TBC1D5: variants seen among roughly 807,000 people sequenced by gnomAD.
TBC1D5 encodes TBC1 domain family member 5.
In TBC1D5, 75 loss-of-function variants were observed where a neutral mutation model predicts 100.3. The observed-to-expected ratio is 0.75, with a 90% CI of 0.62 to 0.91. The LOEUF (loss-of-function observed/expected upper bound fraction) is 0.91, where lower values mean the gene tolerates loss of function less well. Among genes scored for constraint, TBC1D5 ranks in the 40% least tolerant of loss-of-function variants. The pLI is 0.00. For missense variants in TBC1D5, 910 were observed against 942.4 expected (o/e 0.97, Z 0.45); for synonymous variants, 323 against 325.6 (o/e 0.99, Z 0.09).
At chr3:17,490,647 T>G (rs1164731202) in intron 3 of TBC1D5, among the ~76,000 whole-genome samples, 1 of 152,116 alleles carries the variant, frequency 6.6e-6, no homozygotes, top group Non-Finnish European at 1.5e-5. Flanking sequence ...TATATCTGAG[T>G]TCTCTATTCT....
chr3:17,576,177 G>A (rs866625070), intron 2 of TBC1D5, among the ~76,000 whole-genome samples: 1 of 151,978 alleles, frequency 6.6e-6, no homozygotes, highest in Non-Finnish European at 1.5e-5. Context: ...ACACGTACAC[G>A]TGTTTAAGAT....
At chr3:17,612,125 C>T (rs764834771) in intron 2 of TBC1D5, among the ~76,000 whole-genome samples, 2 of 151,772 alleles carry the variant, frequency 1.3e-5, no homozygotes, top group South Asian at 2.1e-4. Context: ...CATGGTGAAA[C>T]GCCTTATCTA....
At chr3:17,609,009 T>C (rs962600670) in intron 2 of TBC1D5, among the ~76,000 whole-genome samples, 1 of 152,188 alleles carries the variant, frequency 6.6e-6, no homozygotes, top group Non-Finnish European at 1.5e-5. Context: ...CTATTTTGCT[T>C]CCTAGATCTC....
chr3:17,691,510 A>T (rs946120291), intron 1 of TBC1D5, among the ~76,000 whole-genome samples: 5 of 152,136 alleles, frequency 3.3e-5, no homozygotes, highest in African/African-American at 1.2e-4. Context: ...AGCACAGGCA[A>T]ATGCTCCACG....
At chr3:17,489,416 T>C (rs2095610709) in intron 3 of TBC1D5, among the ~76,000 whole-genome samples, 2 of 152,126 alleles carry the variant, frequency 1.3e-5, no homozygotes, top group African/African-American at 4.8e-5. Context: ...AAAAACTAAA[T>C]ACACTCCTAT....
At chr3:17,374,415 A>T (rs1253762280) in intron 12 of TBC1D5, 56 bp downstream of exon 12, 3 of 1,504,538 alleles carry the variant, frequency 2.0e-6, no homozygotes, top group Non-Finnish European at 2.7e-6. Flanking sequence ...GTTGTTATTT[A>T]TTGAAAGCAT....
At chr3:17,678,408 A>C (rs1178568268) in intron 1 of TBC1D5, among the ~76,000 whole-genome samples, 1 of 152,166 alleles carries the variant, frequency 6.6e-6, no homozygotes, top group Non-Finnish European at 1.5e-5. Context: ...CTACTAAAAT[A>C]GCAGTTAATA....
rs185060710 is a variant in TBC1D5 at position 17,424,926 on chromosome 3, G to C, written c.167+3524C>G. Among the ~76,000 whole-genome samples the C allele has an allele frequency of 1.0e-3, 155 of 152,172 alleles. 2 individuals are homozygous for C. In the South Asian group the frequency reaches 0.018, roughly 18 times the overall value. On this transcript the variant is annotated intron_variant, in intron 4 of 21. Transcript: ENST00000253692. ...AAAACATCTTCCTTTCATCTACTAG[G>C]TTTTCAAATTTGTTATTCCAAGGTA...
At chr3:17,418,534 G>A (rs1469829904) in intron 4 of TBC1D5, among the ~76,000 whole-genome samples, 1 of 151,916 alleles carries the variant, frequency 6.6e-6, no homozygotes, top group African/African-American at 2.4e-5. Context: ...CTTGAACCCA[G>A]GAAGTGAAGG....
At chr3:17,287,582 G>A (rs1437751279) in intron 15 of TBC1D5, among the ~76,000 whole-genome samples, 1 of 152,210 alleles carries the variant, frequency 6.6e-6, no homozygotes, top group Admixed American at 6.5e-5. Context: ...ACTGAAAAAA[G>A]TGAGGAAAGA....
At chr3:17,726,160 A>G (rs907351789) in intron 1 of TBC1D5, among the ~76,000 whole-genome samples, 1 of 152,224 alleles carries the variant, frequency 6.6e-6, no homozygotes, top group Admixed American at 6.5e-5. Context: ...CGTCGCGAAC[A>G]GTGCTGCAAT....
At chr3:17,661,746 C>T (rs1048023652) in intron 1 of TBC1D5, among the ~76,000 whole-genome samples, 6 of 152,154 alleles carry the variant, frequency 3.9e-5, no homozygotes, top group African/African-American at 1.4e-4. Flanking sequence ...AATCTGCCCA[C>T]CTCAGCCTCC....
At chr3:17,167,880 C>G in intron 19 of TBC1D5, 52 bp from the exon 21 acceptor site, 1 of 1,284,122 alleles carries the variant, frequency 7.8e-7, no homozygotes, top group South Asian at 1.4e-5. Context: ...CATAACCTAC[C>G]TGCTGCCACA....
chr3:17,208,289 G>A (rs2072503193), intron 18 of TBC1D5, among the ~76,000 whole-genome samples: 1 of 152,242 alleles, frequency 6.6e-6, no homozygotes, highest in South Asian at 2.1e-4. Flanking sequence ...CATACTTCAT[G>A]TCTATCATGA....
intron 1 of TBC1D5, among the ~76,000 whole-genome samples, chr3:17,715,547 G>A (rs1182345025): frequency 1.3e-5 from 2 of 152,164 alleles, no homozygotes; most frequent in African/African-American, 4.8e-5. Flanking sequence ...GCTCACACCT[G>A]TCAAATGCCA....
At position 17,701,616 on chromosome 3, in the gene TBC1D5, C is replaced by T. The variant is rs1011021787; in HGVS notation, c.-101+37727G>A. On this transcript the variant is annotated intron_variant, in intron 1 of 21. Transcript: ENST00000253692. ...CGCCACTGCACTCCAATCTGGGCAA[C>T]AAAAAAGACTTTTTTTTTTAAACAA... 6.7e-5 allele frequency among the ~76,000 whole-genome samples: 10 copies of T among 150,354 alleles called. No individual in the cohort carries two copies. In the South Asian group the frequency reaches 2.1e-3, roughly 32 times the overall value.
At chr3:17,492,278 C>A (rs2150569278) in intron 3 of TBC1D5, among the ~76,000 whole-genome samples, 1 of 152,214 alleles carries the variant, frequency 6.6e-6, no homozygotes, top group South Asian at 2.1e-4. Context: ...GTGTCTCTAT[C>A]TCCTTCAGTC....
At chr3:17,393,267 G>T (rs146286746) in intron 8 of TBC1D5, among the ~76,000 whole-genome samples, 3 of 151,828 alleles carry the variant, frequency 2.0e-5, no homozygotes, top group Non-Finnish European at 4.4e-5. Context: ...AACTTACAAG[G>T]GATGTGAAGG....
At position 17,384,033 on chromosome 3, in the gene TBC1D5, A is replaced by T; in HGVS notation, c.510-18T>A. ...CAGGAAACCTGGAAAAAGAAAATAC[A>T]AGATTGAAACTGACTAACACAGTTT... On this transcript the variant is annotated intron_variant, in intron 8 of 21. Coordinates refer to ENST00000253692, the Ensembl canonical transcript of TBC1D5. 1.3e-6 allele frequency: 2 copies of T among 1,588,768 alleles called. No individual in the cohort carries two copies. Among genetic ancestry groups the T allele is most frequent in the Non-Finnish European group, 1.7e-6 (2 of 1,161,564 alleles).
Sources: gnomAD v4.1 joint callset for allele counts (sites outside exome capture counted in the v4.1 genomes callset) on GRCh38, gnomAD v4.1.1 for gene constraint, MANE v1.5 for transcripts, NCBI Gene and HGNC (gene_info 2026-07-23, HGNC 2026-07-21) for gene names.